COX7B2: variants seen among roughly 807,000 people sequenced by gnomAD.
COX7B2 encodes the protein cytochrome c oxidase subunit 7B2.
For missense variants in COX7B2, 109 were observed against 95.9 expected, an observed-to-expected ratio of 1.14 and a Z score of -0.57; for synonymous variants, 37 against 32.1, an observed-to-expected ratio of 1.15 and a Z score of -0.51.
At chr4:46,768,342 T>C (rs1261096677) in intron 2 of COX7B2, among the ~76,000 whole-genome samples, 2 of 141,638 alleles carry the variant, frequency 1.4e-5, no homozygotes, top group African/African-American at 5.1e-5. Context: ...ACTCCAACCA[T>C]AGTCTCCAAT....
chr4:46,746,819 C>T (rs907807686), intron 2 of COX7B2, among the ~76,000 whole-genome samples: 1 of 152,140 alleles, frequency 6.6e-6, no homozygotes, highest in Non-Finnish European at 1.5e-5. Flanking sequence ...TACTTTGTTA[C>T]TTAAACTTAT....
At chr4:46,744,194 C>T (rs531507854) in intron 2 of COX7B2, among the ~76,000 whole-genome samples, 2 of 151,990 alleles carry the variant, frequency 1.3e-5, no homozygotes, top group African/African-American at 4.8e-5. Flanking sequence ...TTCCTTCCTC[C>T]GAGAAGGATC....
intron 1 of COX7B2, among the ~76,000 whole-genome samples, chr4:46,874,226 G>A (rs1272491422): frequency 1.3e-5 from 2 of 152,152 alleles, no homozygotes; most frequent in Non-Finnish European, 2.9e-5. Context: ...AATCAAAAAT[G>A]TATGTTTTAT....
intron 2 of COX7B2, among the ~76,000 whole-genome samples, chr4:46,753,440 C>A (rs1256293376): frequency 6.6e-6 from 1 of 151,854 alleles, no homozygotes; most frequent in Non-Finnish European, 1.5e-5. Flanking sequence ...TTTGACAAAC[C>A]TGACAAAAAC....
In COX7B2 at chr4:46,836,710, T is replaced by C. The variant is rs182334242; in HGVS notation, c.-50+8250A>G. Reference sequence around the variant, plus strand: ...GTATAATGAACTGTATATAATGGTATGTGATAGATTTGTTATGACTGACAG... The same window carrying C: ...GTATAATGAACTGTATATAATGGTACGTGATAGATTTGTTATGACTGACAG... On this transcript the variant is annotated intron_variant, in intron 2 of 2. Transcript: ENST00000355591. Among the ~76,000 whole-genome samples the C allele has an allele frequency of 3.8e-3, 576 of 152,274 alleles. 2 individuals are homozygous for C. Among genetic ancestry groups the C allele is most frequent in the Non-Finnish European group, 6.5e-3 (443 of 67,986 alleles).
chr4:46,799,684 C>A (rs968125125), intron 2 of COX7B2, among the ~76,000 whole-genome samples: 1 of 152,144 alleles, frequency 6.6e-6, no homozygotes, highest in African/African-American at 2.4e-5. Flanking sequence ...TTGAACCTTG[C>A]ATCACAGGAA....
At chr4:46,858,655 G>A (rs1717156056) in intron 1 of COX7B2, among the ~76,000 whole-genome samples, 1 of 152,054 alleles carries the variant, frequency 6.6e-6, no homozygotes, top group African/African-American at 2.4e-5. Flanking sequence ...GGAGACTTTT[G>A]GAAACACTAC....
At chr4:46,796,122 GATAAA>G (rs1718324324) in intron 2 of COX7B2, among the ~76,000 whole-genome samples, 1 of 121,650 alleles carries the variant, frequency 8.2e-6, no homozygotes, top group African/African-American at 3.7e-5. Context: ...GGGTTTTCTA[GATAAA>G]CAATCATGTC....
chr4:46,855,294 A>G (rs1325020637), intron 1 of COX7B2, among the ~76,000 whole-genome samples: 1 of 152,144 alleles, frequency 6.6e-6, no homozygotes, highest in East Asian at 1.9e-4. Context: ...CCACTGCACA[A>G]GAAATTAACA....
intron 1 of COX7B2, among the ~76,000 whole-genome samples, chr4:46,891,779 C>T (rs1719443437): frequency 6.6e-6 from 1 of 152,158 alleles, no homozygotes; most frequent in Non-Finnish European, 1.5e-5. Flanking sequence ...GAAGAGACCA[C>T]AGATGTTTCA....
intron 2 of COX7B2, among the ~76,000 whole-genome samples, chr4:46,796,585 T>C (rs1718361440): frequency 1.0e-5 from 1 of 95,662 alleles, no homozygotes; most frequent in Non-Finnish European, 2.0e-5. Context: ...AGCCATCCCA[T>C]TACTGGGTAT....
chr4:46,834,592 T>A (rs1715386773), intron 2 of COX7B2, among the ~76,000 whole-genome samples: 1 of 152,154 alleles, frequency 6.6e-6, no homozygotes, highest in Admixed American at 6.5e-5. Flanking sequence ...TAAATGCTTT[T>A]ATCCAACTTT....
At chr4:46,738,942 G>A (rs550500030) in intron 2 of COX7B2, among the ~76,000 whole-genome samples, 1 of 152,172 alleles carries the variant, frequency 6.6e-6, no homozygotes, top group East Asian at 1.9e-4. Context: ...TCTATTATAT[G>A]TAGTCATCTT....
At chr4:46,877,178 G>C (rs1395207395) in intron 1 of COX7B2, among the ~76,000 whole-genome samples, 1 of 152,158 alleles carries the variant, frequency 6.6e-6, no homozygotes, top group Non-Finnish European at 1.5e-5. Flanking sequence ...GTAAGTAGAG[G>C]ACAAGAGGTG....
intron 2 of COX7B2, among the ~76,000 whole-genome samples, chr4:46,777,957 T>A (rs762424811): frequency 3.3e-5 from 5 of 152,146 alleles, no homozygotes; most frequent in Non-Finnish European, 5.9e-5. Context: ...ATTTCCATCT[T>A]TTTTTCTCTC....
At chr4:46,864,337 C>T (rs1717511945) in intron 1 of COX7B2, among the ~76,000 whole-genome samples, 1 of 152,038 alleles carries the variant, frequency 6.6e-6, no homozygotes, top group Non-Finnish European at 1.5e-5. Context: ...TCTCTGAAGG[C>T]CACCCACGAC....
intron 2 of COX7B2, among the ~76,000 whole-genome samples, chr4:46,792,560 C>T (rs933849948): frequency 2.0e-5 from 3 of 152,198 alleles, no homozygotes; most frequent in African/African-American, 4.8e-5. Flanking sequence ...CTGAGGCTTA[C>T]ACTATCGGTG....
At chr4:46,849,470 T>C (rs1716522061) in intron 1 of COX7B2, among the ~76,000 whole-genome samples, 1 of 152,124 alleles carries the variant, frequency 6.6e-6, no homozygotes, top group African/African-American at 2.4e-5. Flanking sequence ...CTGTGAACTT[T>C]TCACTGATGT....
intron 2 of COX7B2, among the ~76,000 whole-genome samples, chr4:46,778,707 T>C (rs1264711802): frequency 6.6e-6 from 1 of 152,164 alleles, no homozygotes; most frequent in African/African-American, 2.4e-5. Context: ...GATGATCCAC[T>C]GAATAATTTG....
Sources: gnomAD v4.1 joint callset for allele counts (sites outside exome capture counted in the v4.1 genomes callset) on GRCh38, gnomAD v4.1.1 for gene constraint, MANE v1.5 for transcripts, NCBI Gene and HGNC (gene_info 2026-07-23, HGNC 2026-07-21) for gene names.